The following CAMK2D variants were observed in gnomAD, a reference collection of about 807,000 sequenced individuals.
The protein encoded by CAMK2D is calcium/calmodulin dependent protein kinase II delta, also known as calcium/calmodulin-dependent protein kinase type II subunit delta.
Under a neutral mutation model 84.0 loss-of-function variants are expected in CAMK2D, and 37 were observed. The observed-to-expected ratio is 0.44, with a 90% CI of 0.34 to 0.58. The LOEUF is 0.58. CAMK2D is among the 20% of genes least tolerant of loss of function. CAMK2D has a pLI of 0.02. For synonymous variants in CAMK2D, 202 were observed against 212.5 expected (o/e 0.95, Z 0.43); for missense variants, 448 against 652.5 (o/e 0.69, Z 3.41).
At chr4:113,724,295 C>A (rs1190649691) in intron 2 of CAMK2D, among the ~76,000 whole-genome samples, 1 of 151,308 alleles carries the variant, frequency 6.6e-6, no homozygotes, top group Non-Finnish European at 1.5e-5. Context: ...TTTCTTTTTA[C>A]GATTCTCGGC....
intron 2 of CAMK2D, among the ~76,000 whole-genome samples, chr4:113,713,898 C>G (rs189323750): frequency 3.3e-5 from 5 of 150,786 alleles, no homozygotes; most frequent in African/African-American, 1.2e-4. Flanking sequence ...TGGGGGGGTG[C>G]ATTTATTTGG....
chr4:113,712,615 C>T (rs1444460932), intron 2 of CAMK2D, among the ~76,000 whole-genome samples: 4 of 151,936 alleles, frequency 2.6e-5, no homozygotes, highest in African/African-American at 4.8e-5. Flanking sequence ...TCTTCCTATG[C>T]CTATTTCTGA....
intron 2 of CAMK2D, among the ~76,000 whole-genome samples, chr4:113,685,548 G>A (rs566730385): frequency 6.6e-6 from 1 of 151,954 alleles, no homozygotes; most frequent in East Asian, 1.9e-4. Context: ...CCACATTTCA[G>A]ACTTTAAATA....
At chr4:113,611,978 CT>C (rs1172691834) in intron 3 of CAMK2D, among the ~76,000 whole-genome samples, 1 of 151,870 alleles carries the variant, frequency 6.6e-6, no homozygotes, top group Non-Finnish European at 1.5e-5. Context: ...TATTTCCTTC[CT>C]TCCTTTATTC....
chr4:113,576,060 T>C (rs1274804708), intron 4 of CAMK2D, among the ~76,000 whole-genome samples: 2 of 152,058 alleles, frequency 1.3e-5, no homozygotes, highest in Non-Finnish European at 2.9e-5. Context: ...AGACAGAGGT[T>C]CTCCCTCTTG....
intron 9 of CAMK2D, among the ~76,000 whole-genome samples, chr4:113,516,683 T>C (rs1415389304): frequency 2.6e-5 from 4 of 152,212 alleles, no homozygotes; most frequent in African/African-American, 9.6e-5. Flanking sequence ...TAGAATATAA[T>C]AAAGACATTT....
At chr4:113,668,842 C>A (rs1311488733) in intron 2 of CAMK2D, among the ~76,000 whole-genome samples, 5 of 151,982 alleles carry the variant, frequency 3.3e-5, no homozygotes, top group Non-Finnish European at 7.4e-5. Flanking sequence ...TAAAATTGTT[C>A]GGTTTTATCT....
At chr4:113,652,954 T>C (rs1592532401) in intron 3 of CAMK2D, among the ~76,000 whole-genome samples, 1 of 152,152 alleles carries the variant, frequency 6.6e-6, no homozygotes, top group African/African-American at 2.4e-5. Flanking sequence ...GGCTTTTTCA[T>C]TGATACATGG....
chr4:113,482,024 A>T (rs914795012), intron 16 of CAMK2D, among the ~76,000 whole-genome samples: 2 of 152,210 alleles, frequency 1.3e-5, no homozygotes, highest in Admixed American at 6.5e-5. Context: ...AAGGCAAGGC[A>T]TGTCTGAAGG....
intron 8 of CAMK2D, among the ~76,000 whole-genome samples, chr4:113,525,575 T>C (rs2098410470): frequency 6.6e-6 from 1 of 152,206 alleles, no homozygotes; most frequent in African/African-American, 2.4e-5. Flanking sequence ...GACCATACTC[T>C]GTGTGCGATC....
intron 3 of CAMK2D, among the ~76,000 whole-genome samples, chr4:113,636,155 C>A (rs530217829): frequency 7.5e-4 from 114 of 152,294 alleles, no homozygotes; most frequent in Non-Finnish European, 1.3e-3. Flanking sequence ...CAACATTCTA[C>A]CTCACTCCCA....
chr4:113,724,296 G>A (rs1050123885), intron 2 of CAMK2D, among the ~76,000 whole-genome samples: 10 of 151,046 alleles, frequency 6.6e-5, no homozygotes, highest in East Asian at 1.9e-4. Flanking sequence ...TTCTTTTTAC[G>A]ATTCTCGGCA....
At chr4:113,567,431 G>A (rs914958966) in intron 4 of CAMK2D, among the ~76,000 whole-genome samples, 7 of 152,206 alleles carry the variant, frequency 4.6e-5, no homozygotes, top group African/African-American at 1.7e-4. Context: ...GCCTCCCAAA[G>A]TGCAGGGATT....
chr4:113,456,072 G>A lies in CAMK2D; in HGVS notation c.1536-251C>T, dbSNP rs192100024. Among the ~76,000 whole-genome samples the A allele has an allele frequency of 2.0e-5, 3 of 152,122 alleles. No homozygotes were observed. In the East Asian group the frequency reaches 5.8e-4, roughly 29 times the overall value. On this transcript the variant is annotated intron_variant, in intron 19 of 20. Transcript: ENST00000511664. ...TCTTAATTACATAGCTATGGTTTTG[G>A]GAATAAATTTCAGCCTATTGTTTGG...
chr4:113,511,476 T>G (rs1560609402), intron 12 of CAMK2D, among the ~76,000 whole-genome samples: 1 of 152,170 alleles, frequency 6.6e-6, no homozygotes, highest in Non-Finnish European at 1.5e-5. Context: ...CAAGAGTGTA[T>G]TTAACACTTC....
At chr4:113,678,306 C>T (rs2099327141) in intron 2 of CAMK2D, among the ~76,000 whole-genome samples, 1 of 152,160 alleles carries the variant, frequency 6.6e-6, no homozygotes, top group Non-Finnish European at 1.5e-5. Context: ...CCTAACCTTA[C>T]TGACATTAGT....
chr4:113,545,084 C>G (rs2098556811), intron 6 of CAMK2D, among the ~76,000 whole-genome samples: 1 of 152,136 alleles, frequency 6.6e-6, no homozygotes, highest in South Asian at 2.1e-4. Context: ...TTAATGAACA[C>G]TTAATAAGCT....
In CAMK2D at chr4:113,761,732, G is replaced by C. The variant is rs1404688600; in HGVS notation, c.-664C>G. On this transcript the variant is annotated 5_prime_UTR_variant, in exon 1 of 21. Coordinates refer to ENST00000511664, the MANE Select transcript of CAMK2D (RefSeq NM_001321571.2). ...GCGCGGCTTCAAGACGGCGCGGCGAGAGAAAGAGCGCTCGGCTCAGGCGAA... is the reference window on the plus strand; with the variant it reads ...GCGCGGCTTCAAGACGGCGCGGCGACAGAAAGAGCGCTCGGCTCAGGCGAA... 7 of 835,736 alleles carry C rather than the reference G, an allele frequency of 8.4e-6. No homozygotes were observed. Among genetic ancestry groups the C allele is most frequent in the Admixed American group, 6.2e-5 (1 of 16,084 alleles). 51.8% of individuals were successfully genotyped at this position (835,736 alleles called of 1,614,324 possible). A position where few individuals can be genotyped will look rare whatever the true frequency, so the allele number is the denominator to read the frequency against.
At chr4:113,695,515 G>A (rs1353638827) in intron 2 of CAMK2D, among the ~76,000 whole-genome samples, 1 of 151,972 alleles carries the variant, frequency 6.6e-6, no homozygotes, top group Non-Finnish European at 1.5e-5. Context: ...CTCAGTAAAT[G>A]ACAATTCCAG....
Sources: allele counts gnomAD v4.1 joint callset (sites outside exome capture counted in the v4.1 genomes callset), GRCh38; gene constraint gnomAD v4.1.1; transcripts MANE v1.5; gene names NCBI Gene and HGNC (gene_info 2026-07-23, HGNC 2026-07-21).